The following ARSJ variants were observed in gnomAD, a reference collection of about 807,000 sequenced individuals.
ARSJ encodes arylsulfatase J.
Under a neutral mutation model 35.9 loss-of-function variants are expected in ARSJ, and 26 were observed. The observed-to-expected ratio is 0.72, with a 90% CI of 0.53 to 1.00. ARSJ has a LOEUF of 1.00. ARSJ is among the 50% of genes least tolerant of loss of function. The probability of loss-of-function intolerance (pLI) is 0.00; values close to 1 mark genes in which losing one functional copy is unlikely to be tolerated. For missense variants in ARSJ, 667 were observed against 723.6 expected, an observed-to-expected ratio of 0.92 and a Z score of 0.90; for synonymous variants, 294 against 267.6, an observed-to-expected ratio of 1.10 and a Z score of -0.96.
At chr4:113,942,942 A>C (rs1283992956) in intron 1 of ARSJ, among the ~76,000 whole-genome samples, 2 of 152,062 alleles carry the variant, frequency 1.3e-5, no homozygotes, top group African/African-American at 4.8e-5. Context: ...AACAACTTGC[A>C]GTGCAAAACA....
intron 1 of ARSJ, among the ~76,000 whole-genome samples, chr4:113,929,556 C>A (rs1159890263): frequency 6.6e-6 from 1 of 152,122 alleles, no homozygotes; most frequent in Non-Finnish European, 1.5e-5. Context: ...CATCCCCATT[C>A]CAAGTTGCAG....
intron 1 of ARSJ, among the ~76,000 whole-genome samples, chr4:113,953,597 G>T (rs992524498): frequency 2.0e-5 from 3 of 151,930 alleles, no homozygotes; most frequent in African/African-American, 7.2e-5. Context: ...AATAGGATCT[G>T]CACCTCTTGG....
At chr4:113,903,837 C>A (rs1436285406) in intron 1 of ARSJ, among the ~76,000 whole-genome samples, 162 bp from the exon 2 acceptor site, 4 of 152,244 alleles carry the variant, frequency 2.6e-5, no homozygotes, top group Admixed American at 2.6e-4. Flanking sequence ...TCTTTACTCA[C>A]AAGTCTTACT....
At chr4:113,965,782 A>G (rs1726855620) in intron 1 of ARSJ, among the ~76,000 whole-genome samples, 1 of 152,096 alleles carries the variant, frequency 6.6e-6, no homozygotes. Context: ...CAGCCAAACT[A>G]GGAACAAAGT....
intron 1 of ARSJ, among the ~76,000 whole-genome samples, chr4:113,973,377 T>C (rs1727398506): frequency 6.6e-6 from 1 of 152,208 alleles, no homozygotes; most frequent in South Asian, 2.1e-4. Flanking sequence ...CAGCACTTTT[T>C]AAGAGAACAT....
chr4:113,968,062 A>C (rs955503408), intron 1 of ARSJ, among the ~76,000 whole-genome samples: 10 of 152,280 alleles, frequency 6.6e-5, no homozygotes, highest in African/African-American at 2.4e-4. Context: ...GAGGTAACCA[A>C]GATTATCAAG....
chr4:113,919,470 A>G (rs1443543341), intron 1 of ARSJ, among the ~76,000 whole-genome samples: 1 of 152,230 alleles, frequency 6.6e-6, no homozygotes, highest in African/African-American at 2.4e-5. Context: ...TGAAATATCT[A>G]TATAAATTAT....
chr4:113,918,637 A>G (rs1482074854), intron 1 of ARSJ, among the ~76,000 whole-genome samples: 1 of 152,162 alleles, frequency 6.6e-6, no homozygotes, highest in Non-Finnish European at 1.5e-5. Flanking sequence ...AATTTATGCC[A>G]AACATTCTTT....
chr4:113,940,217 T>C (rs111246006), intron 1 of ARSJ, among the ~76,000 whole-genome samples: 8,697 of 152,162 alleles, frequency 0.057, 328 homozygotes, highest in East Asian at 0.11. Context: ...CTATTCACAA[T>C]AGCAAACACA....
chr4:113,972,307 C>CA lies in ARSJ; in HGVS notation c.398+6129dup, dbSNP rs1233838009. ...GAGATGATCTGGAAAAAAAAAAAAA[C>CA]AAAAAAAAAAACCCCACCATGATTT... On this transcript the variant is annotated intron_variant, in intron 1 of 1. Transcript: ENST00000315366. Among the ~76,000 whole-genome samples, 62 of 96,142 alleles carry CA rather than the reference C, an allele frequency of 6.4e-4. 2 individuals carry two copies. The highest frequency in any genetic ancestry group is 2.1e-3 in the African/African-American group (60 of 29,156). The allele number at this position is 96,142 out of a possible 152,430, so 63.1% of individuals were successfully genotyped here.
intron 1 of ARSJ, among the ~76,000 whole-genome samples, chr4:113,965,575 T>C (rs1323473303): frequency 6.6e-6 from 1 of 152,020 alleles, no homozygotes; most frequent in Non-Finnish European, 1.5e-5. Flanking sequence ...GATATAGATA[T>C]ACACATATAT....
At chr4:113,914,634 T>G (rs11930201) in intron 1 of ARSJ, among the ~76,000 whole-genome samples, 1 of 151,664 alleles carries the variant, frequency 6.6e-6, no homozygotes, top group East Asian at 1.9e-4. Flanking sequence ...GACATATCAG[T>G]GTCTTAGCTG....
intron 1 of ARSJ, among the ~76,000 whole-genome samples, chr4:113,958,808 T>C (rs6857220): frequency 0.66 from 99,672 of 151,882 alleles, 33,558 homozygotes; most frequent in East Asian, 0.83. Context: ...AATTTCCCTA[T>C]ATTTTCTCCT....
In ARSJ at chr4:113,921,580, T is replaced by C. The variant is rs995220921; in HGVS notation, c.399-17905A>G. ...CACAAAGCCAGTTAGATTCAGTGGC[T>C]TGTTATGGTGAAATTTGTTCACCCA... On this transcript the variant is annotated intron_variant, in intron 1 of 1. Transcript: ENST00000315366. Among the ~76,000 whole-genome samples, 5 of 152,148 alleles carry C rather than the reference T, an allele frequency of 3.3e-5. No homozygotes were observed. In the East Asian group the frequency reaches 7.7e-4, roughly 23 times the overall value.
chr4:113,949,618 C>A (rs191919594), intron 1 of ARSJ, among the ~76,000 whole-genome samples: 2 of 152,168 alleles, frequency 1.3e-5, no homozygotes, highest in African/African-American at 4.8e-5. Flanking sequence ...TAAGGCCCAA[C>A]TTAAACGTAG....
At position 113,939,153 on chromosome 4, in the gene ARSJ, T is replaced by C. The variant is rs1253077648; in HGVS notation, c.399-35478A>G. Among the ~76,000 whole-genome samples, 80 of 147,258 alleles carry C rather than the reference T, an allele frequency of 5.4e-4. 1 individual carries two copies. The highest frequency in any genetic ancestry group is 1.7e-3 in the African/African-American group (67 of 40,026). Reference sequence around the variant, plus strand: ...TTCAATTCCCATCTATGAGTGAGAATATGCGGTGTTTGGTTTTTTGTCCTT... The same window carrying C: ...TTCAATTCCCATCTATGAGTGAGAACATGCGGTGTTTGGTTTTTTGTCCTT... On this transcript the variant is annotated intron_variant, in intron 1 of 1. Coordinates refer to ENST00000315366, the MANE Select transcript of ARSJ (RefSeq NM_024590.4).
chr4:113,946,165 T>C (rs1218249658), intron 1 of ARSJ: 5 of 152,112 alleles, frequency 3.3e-5, no homozygotes, highest in African/African-American at 9.6e-5. Flanking sequence ...TATCCCTTCA[T>C]CCTTTTCTAG....
chr4:113,909,793 C>T (rs2149251138), intron 1 of ARSJ, among the ~76,000 whole-genome samples: 1 of 147,302 alleles, frequency 6.8e-6, no homozygotes, highest in Non-Finnish European at 1.5e-5. Flanking sequence ...CACCTCTAAG[C>T]TTCTTCCTAA....
intron 1 of ARSJ, among the ~76,000 whole-genome samples, chr4:113,975,456 T>A (rs1395820020): frequency 2.6e-5 from 4 of 152,196 alleles, no homozygotes; most frequent in African/African-American, 9.6e-5. Flanking sequence ...AAATGATATT[T>A]TTAATCCATA....
Sources: allele counts gnomAD v4.1 joint callset (sites outside exome capture counted in the v4.1 genomes callset), GRCh38; gene constraint gnomAD v4.1.1; transcripts MANE v1.5; gene names NCBI Gene and HGNC (gene_info 2026-07-23, HGNC 2026-07-21).